The following MTCL1 variants were observed in gnomAD, a reference collection of about 807,000 sequenced individuals.
MTCL1 encodes microtubule cross-linking factor 1.
Under a neutral mutation model 141.4 loss-of-function variants are expected in MTCL1, and 79 were observed. That is an observed-to-expected ratio of 0.56 (90% CI 0.47 to 0.67). The LOEUF (loss-of-function observed/expected upper bound fraction) is 0.67, where lower values mean the gene tolerates loss of function less well. Ranked by LOEUF, MTCL1 falls within the 30% of genes least tolerant of loss-of-function variation. MTCL1 has a pLI of 0.00. For synonymous variants in MTCL1, 914 were observed against 875.8 expected (o/e 1.04, Z -0.77); for missense variants, 2,177 against 2,113.9 (o/e 1.03, Z -0.59).
intron 4 of MTCL1, among the ~76,000 whole-genome samples, chr18:8,727,667 A>C (rs2096224605): frequency 1.3e-5 from 2 of 152,130 alleles, no homozygotes; most frequent in South Asian, 4.2e-4. Context: ...TCATTTTTCT[A>C]TGTCATTATG....
At chr18:8,829,007 G>C (rs560194009) in intron 16 of MTCL1, 5 of 1,613,830 alleles carry the variant, frequency 3.1e-6, no homozygotes, top group East Asian at 2.2e-5. Context: ...TGGAGAGGTC[G>C]TGTTGTGTAA....
intron 4 of MTCL1, among the ~76,000 whole-genome samples, chr18:8,731,181 C>T (rs112922957): frequency 2.4e-4 from 37 of 151,974 alleles, no homozygotes; most frequent in African/African-American, 8.9e-4. Flanking sequence ...GGAGTCAGAG[C>T]TTGCAGTGAG....
chr18:8,733,289 A>G (rs542568645), intron 4 of MTCL1, among the ~76,000 whole-genome samples: 11 of 152,246 alleles, frequency 7.2e-5, no homozygotes, highest in Non-Finnish European at 1.5e-4. Flanking sequence ...GAGAAACAAA[A>G]TCACTGCTGA....
chr18:8,825,015 A>ACCAGCC, exon 15 of MTCL1: 2 of 1,613,160 alleles, frequency 1.2e-6, no homozygotes, highest in Non-Finnish European at 1.7e-6. Context: ...GGACACCATG[A>ACCAGCC]CCAGCCCAGA....
chr18:8,831,676 C>T (rs1254786815), exon 17 of MTCL1: 8 of 1,550,488 alleles, frequency 5.2e-6, no homozygotes, highest in African/African-American at 1.4e-5. Context: ...ACCAGCAAAC[C>T]GTCGCCCTCC....
intron 16 of MTCL1, chr18:8,831,242 T>A (rs2077182984): frequency 5.7e-6 from 6 of 1,049,534 alleles, no homozygotes; most frequent in Non-Finnish European, 6.9e-6. Flanking sequence ...AAGGGCCAAA[T>A]GAACAGATCT....
At chr18:8,723,889 A>G (rs964121819) in intron 4 of MTCL1, among the ~76,000 whole-genome samples, 11 of 152,310 alleles carry the variant, frequency 7.2e-5, no homozygotes, top group Admixed American at 2.0e-4. Context: ...GCTAAGTAAC[A>G]GAAGCCAGAC....
At chr18:8,756,129 CCT>C (rs201534953) in intron 4 of MTCL1, among the ~76,000 whole-genome samples, 1,577 of 152,188 alleles carry the variant, frequency 0.01, 28 homozygotes, top group African/African-American at 0.036. Flanking sequence ...AGAGCAAGAC[CCT>C]CTCTAAAAAA....
At chr18:8,774,561 CAG>C (rs1196050514) in intron 4 of MTCL1, among the ~76,000 whole-genome samples, 3 of 152,258 alleles carry the variant, frequency 2.0e-5, no homozygotes, top group African/African-American at 7.2e-5. Context: ...CATCTCAGCT[CAG>C]TGCAACCTCC....
chr18:8,819,244 G>A (rs1243459947), exon 13 of MTCL1: 1 of 1,614,104 alleles, frequency 6.2e-7, no homozygotes, highest in Non-Finnish European at 8.5e-7. Flanking sequence ...GGGAGTTCAG[G>A]AACCGCCTCC....
chr18:8,788,752 A>AG (rs1273178695), intron 7 of MTCL1, among the ~76,000 whole-genome samples: 10 of 152,244 alleles, frequency 6.6e-5, no homozygotes, highest in African/African-American at 2.4e-5. Flanking sequence ...CGGCATTCTT[A>AG]TAAACAGCCA....
At chr18:8,827,456 A>C (rs1258768559) in intron 15 of MTCL1, among the ~76,000 whole-genome samples, 1 of 152,242 alleles carries the variant, frequency 6.6e-6, no homozygotes, top group Non-Finnish European at 1.5e-5. Flanking sequence ...ACCTAATACA[A>C]ATATTGATAC....
intron 4 of MTCL1, among the ~76,000 whole-genome samples, chr18:8,771,261 T>G (rs1051019633): frequency 6.6e-5 from 10 of 152,150 alleles, no homozygotes; most frequent in African/African-American, 2.2e-4. Flanking sequence ...AGTGCTGGGA[T>G]TACAGGCGTG....
At chr18:8,819,501 G>T (rs554764540) in intron 13 of MTCL1, among the ~76,000 whole-genome samples, 1 of 152,336 alleles carries the variant, frequency 6.6e-6, no homozygotes, top group African/African-American at 2.4e-5. Context: ...TACTGGACTA[G>T]AGTCCTATAC....
In MTCL1 at chr18:8,828,500, G is replaced by A. The variant is rs892038747; in HGVS notation, c.4723-408G>A. ...TGGCAGTAGCTTGGCTGTTGTGACCGAAACAAACGCAGCCGTATAATAGTC... is the reference window on the plus strand; with the variant it reads ...TGGCAGTAGCTTGGCTGTTGTGACCAAAACAAACGCAGCCGTATAATAGTC... On this transcript the variant is annotated intron_variant, in intron 15 of 16. Transcript: ENST00000359865. The surrounding 1 kb of genome is among the most constrained non-coding windows in gnomAD (Gnocchi z 5.2). Among the ~76,000 whole-genome samples, 11 of 152,200 alleles carry A rather than the reference G, an allele frequency of 7.2e-5. No homozygotes were observed. Among genetic ancestry groups the A allele is most frequent in the African/African-American group, 1.9e-4 (8 of 41,456 alleles).
chr18:8,803,467 T>G (rs552027138), intron 10 of MTCL1, among the ~76,000 whole-genome samples: 31 of 152,378 alleles, frequency 2.0e-4, no homozygotes, highest in African/African-American at 7.2e-4. Flanking sequence ...TTATCATTAC[T>G]ATTTTTTTGC....
At chr18:8,821,043 C>CT (rs2076828358) in intron 13 of MTCL1, among the ~76,000 whole-genome samples, 2 of 152,224 alleles carry the variant, frequency 1.3e-5, no homozygotes, top group East Asian at 1.9e-4. Context: ...TAACGTTACT[C>CT]TATCACCTTC....
At position 8,786,119 on chromosome 18, in the gene MTCL1, C is replaced by CGCCA. The variant is rs1555656000; in HGVS notation, c.1887+28_1887+29insGCCA. ...CAGCGTGGGCAAGCAATCCCCCCCCCCCGCCCTCCCCCTCCTTTTTCTGTG... is the reference window on the plus strand; with the variant it reads ...CAGCGTGGGCAAGCAATCCCCCCCCCGCCACCGCCCTCCCCCTCCTTTTTCTGTG... On this transcript the variant is annotated intron_variant, in intron 7 of 16. Transcript: ENST00000359865. 8.7e-5 allele frequency: 125 copies of CGCCA among 1,431,246 alleles called. 1 individual carries two copies. Among genetic ancestry groups the CGCCA allele is most frequent in the Non-Finnish European group, 1.1e-4 (113 of 1,070,500 alleles). The allele number at this position is 1,431,246 out of a possible 1,614,324, so 88.7% of individuals were successfully genotyped here.
At chr18:8,804,495 C>T (rs1423888874) in intron 10 of MTCL1, among the ~76,000 whole-genome samples, 1 of 152,096 alleles carries the variant, frequency 6.6e-6, no homozygotes, top group Non-Finnish European at 1.5e-5. Context: ...GTGAGCATGT[C>T]TTTGAGTATA....
Sources: allele counts gnomAD v4.1 joint callset (sites outside exome capture counted in the v4.1 genomes callset), GRCh38; gene constraint gnomAD v4.1.1; non-coding constraint Gnocchi (gnomAD v3.1); transcripts MANE v1.5; gene names NCBI Gene and HGNC (gene_info 2026-07-23, HGNC 2026-07-21).